CLEC19A: variants seen among roughly 807,000 people sequenced by gnomAD.
CLEC19A encodes the protein C-type lectin domain containing 19A.
Under a neutral mutation model 26.1 loss-of-function variants are expected in CLEC19A, and 21 were observed. The observed-to-expected ratio is 0.80, with a 90% CI of 0.57 to 1.16. The LOEUF (loss-of-function observed/expected upper bound fraction) is 1.16, where lower values mean the gene tolerates loss of function less well. CLEC19A is among the 50% of genes most tolerant of loss of function. The probability of loss-of-function intolerance (pLI) is 0.00; values close to 1 mark genes in which losing one functional copy is unlikely to be tolerated. For missense variants in CLEC19A, 224 were observed against 227.6 expected, an observed-to-expected ratio of 0.98 and a Z score of 0.10; for synonymous variants, 89 against 88.6, an observed-to-expected ratio of 1.00 and a Z score of -0.03.
chr16:19,309,141 A>T lies in CLEC19A; in HGVS notation c.*58A>T. 7.7e-7 allele frequency: 1 copy of T among 1,290,646 alleles called. No individual in the cohort carries two copies. Among genetic ancestry groups the T allele is most frequent in the Non-Finnish European group, 1.1e-6 (1 of 913,474 alleles). 79.9% of individuals were successfully genotyped at this position (1,290,646 alleles called of 1,614,324 possible). Reference sequence around the variant, plus strand: ...CTAGTATCATCTTGTAGCTGTAACCAGTGTAGAATTGACATTGAATACATG... The same window carrying T: ...CTAGTATCATCTTGTAGCTGTAACCTGTGTAGAATTGACATTGAATACATG... On this transcript the variant is annotated 3_prime_UTR_variant, in exon 5 of 5. Transcript: ENST00000636231.
intron 2 of CLEC19A, among the ~76,000 whole-genome samples, chr16:19,302,528 T>G (rs1330014144): frequency 6.6e-6 from 1 of 152,222 alleles, no homozygotes; most frequent in African/African-American, 2.4e-5. Context: ...GGCCATGTTT[T>G]GAAGCGAAGT....
At chr16:19,295,957 T>C (rs1023143305) in intron 1 of CLEC19A, among the ~76,000 whole-genome samples, 1 of 152,164 alleles carries the variant, frequency 6.6e-6, no homozygotes, top group Non-Finnish European at 1.5e-5. Flanking sequence ...CCTAGACCAA[T>C]GCTCTCCATC....
intron 3 of CLEC19A, among the ~76,000 whole-genome samples, chr16:19,305,666 G>T (rs1033990131): frequency 6.6e-6 from 1 of 152,182 alleles, no homozygotes; most frequent in Non-Finnish European, 1.5e-5. Flanking sequence ...GTAAAATGGG[G>T]ATGAAAATAA....
At position 19,309,104 on chromosome 16, in the gene CLEC19A, G is replaced by A; in HGVS notation, c.*21G>A. The A allele has an allele frequency of 6.5e-7, 1 of 1,529,542 alleles. No homozygotes were observed. The highest frequency in any genetic ancestry group is 8.9e-7 in the Non-Finnish European group (1 of 1,129,768). 94.7% of individuals were successfully genotyped at this position (1,529,542 alleles called of 1,614,324 possible). On this transcript the variant is annotated 3_prime_UTR_variant, in exon 5 of 5. Transcript: ENST00000636231. ...ATTGATCCTGTCTTGTCCTACTGGTGTGAGCTCAACTCTAGTATCATCTTG... is the reference window on the plus strand; with the variant it reads ...ATTGATCCTGTCTTGTCCTACTGGTATGAGCTCAACTCTAGTATCATCTTG...
chr16:19,297,562 A>G (rs746141598), intron 1 of CLEC19A, among the ~76,000 whole-genome samples: 7 of 152,232 alleles, frequency 4.6e-5, no homozygotes, highest in Non-Finnish European at 7.3e-5. Flanking sequence ...TAGTTGAAAA[A>G]ACAGAGAAAC....
intron 4 of CLEC19A, among the ~76,000 whole-genome samples, chr16:19,308,054 CCA>C (rs1167278013): frequency 6.6e-6 from 1 of 152,192 alleles, no homozygotes; most frequent in African/African-American, 2.4e-5. Flanking sequence ...CTGAAGCAAG[CCA>C]CATGTGTGGT....
At chr16:19,303,944 A>C in intron 2 of CLEC19A, 118 bp from the exon 3 acceptor site, 1 of 798,120 alleles carries the variant, frequency 1.3e-6, no homozygotes, top group Non-Finnish European at 2.0e-6. Flanking sequence ...GCCGAATTGG[A>C]TCATATCCTC....
intron 3 of CLEC19A, among the ~76,000 whole-genome samples, chr16:19,305,573 C>T (rs1457274139): frequency 2.0e-5 from 3 of 152,140 alleles, no homozygotes; most frequent in Non-Finnish European, 2.9e-5. Flanking sequence ...GTTCCAGTGC[C>T]AGCTCCTTTT....
chr16:19,286,160 G>A (rs1009572862), intron 1 of CLEC19A, among the ~76,000 whole-genome samples: 1 of 152,196 alleles, frequency 6.6e-6, no homozygotes, highest in African/African-American at 2.4e-5. Context: ...CAAGCTGTGT[G>A]ACATAGAGGA....
chr16:19,296,311 C>T (rs1298130921), intron 1 of CLEC19A, among the ~76,000 whole-genome samples: 1 of 152,210 alleles, frequency 6.6e-6, no homozygotes, highest in Non-Finnish European at 1.5e-5. Context: ...GCAACTGTCC[C>T]TTTCTTTCCC....
chr16:19,292,503 G>C (rs1897612014), intron 1 of CLEC19A, among the ~76,000 whole-genome samples: 1 of 152,194 alleles, frequency 6.6e-6, no homozygotes, highest in South Asian at 2.1e-4. Context: ...TTCCCAAGAG[G>C]CTGCCCTCAA....
At chr16:19,304,896 G>C (rs1435879269) in intron 3 of CLEC19A, 1 of 152,528 alleles carries the variant, frequency 6.6e-6, no homozygotes, top group Non-Finnish European at 1.5e-5. Flanking sequence ...ACAGCACAGT[G>C]CTGAGAAAGT....
intron 1 of CLEC19A, among the ~76,000 whole-genome samples, chr16:19,287,701 G>A (rs1019051644): frequency 1.3e-5 from 2 of 152,178 alleles, no homozygotes; most frequent in African/African-American, 4.8e-5. Flanking sequence ...ACTAGCTTGT[G>A]CCCATGGGAC....
At chr16:19,307,451 A>T (rs922243399) in intron 3 of CLEC19A, 94 bp from the exon 4 acceptor site, 1 of 1,407,394 alleles carries the variant, frequency 7.1e-7, no homozygotes, top group African/African-American at 1.4e-5. Context: ...TTAGAAATTA[A>T]GTTGCTAAGA....
At chr16:19,301,541 G>A (rs1231380674) in intron 2 of CLEC19A, among the ~76,000 whole-genome samples, 1 of 151,934 alleles carries the variant, frequency 6.6e-6, no homozygotes, top group East Asian at 1.9e-4. Flanking sequence ...TCTCAACTTG[G>A]AGATAGCAAT....
Position 19,298,691 on chromosome 16 carries a change from T to TGCCTTCCCTGTGCCCCC in CLEC19A, c.108_124dup (p.Leu42ArgfsTer61), listed in dbSNP as rs1410319289. ...CCCCCAGCCCTGCCAGAGCTGCCCCTGCCTTCCCTGTGCCCCCTGTTCTGG... is the reference window on the plus strand; with the variant it reads ...CCCCCAGCCCTGCCAGAGCTGCCCCTGCCTTCCCTGTGCCCCCGCCTTCCCTGTGCCCCCTGTTCTGG... On this transcript the variant is annotated frameshift_variant, in exon 2 of 5. Transcript: ENST00000636231. LOFTEE classifies it high-confidence loss of function. 1 of 1,551,084 alleles carries TGCCTTCCCTGTGCCCCC rather than the reference T, an allele frequency of 6.4e-7. No individual in the cohort carries two copies. The highest frequency in any genetic ancestry group is 8.7e-7 in the Non-Finnish European group (1 of 1,147,118).
intron 1 of CLEC19A, among the ~76,000 whole-genome samples, chr16:19,295,875 A>G (rs764725204): frequency 1.3e-5 from 2 of 152,206 alleles, no homozygotes; most frequent in Non-Finnish European, 1.5e-5. Flanking sequence ...AGAGCTCAGC[A>G]ACACCCAGCG....
At chr16:19,303,146 T>C (rs1258584114) in intron 2 of CLEC19A, among the ~76,000 whole-genome samples, 1 of 152,248 alleles carries the variant, frequency 6.6e-6, no homozygotes, top group African/African-American at 2.4e-5. Context: ...AATGAGTTCA[T>C]GCACTTAAGA....
At chr16:19,304,235 G>C in intron 3 of CLEC19A, 80 bp downstream of exon 3, 1 of 1,202,434 alleles carries the variant, frequency 8.3e-7, no homozygotes, top group South Asian at 1.3e-5. Flanking sequence ...TTTCACATCA[G>C]TGCCAGGTCA....
Sources: allele counts gnomAD v4.1 joint callset (sites outside exome capture counted in the v4.1 genomes callset), GRCh38; gene constraint gnomAD v4.1.1; transcripts MANE v1.5; gene names NCBI Gene and HGNC (gene_info 2026-07-23, HGNC 2026-07-21).